PTK2: variants seen among roughly 807,000 people sequenced by gnomAD.
PTK2 encodes focal adhesion kinase 1.
PTK2 carries 45 observed loss-of-function variants against 150.1 expected under a neutral mutation model. That is an observed-to-expected ratio of 0.30 (90% CI 0.24 to 0.38). The LOEUF (loss-of-function observed/expected upper bound fraction) is 0.38. PTK2 is among the 10% of genes least tolerant of loss of function. The probability of loss-of-function intolerance (pLI) is 1.00; values close to 1 mark genes in which losing one functional copy is unlikely to be tolerated. For synonymous variants in PTK2, 432 were observed against 449.2 expected, an observed-to-expected ratio of 0.96 and a Z score of 0.48; for missense variants, 919 against 1,307.3, an observed-to-expected ratio of 0.70 and a Z score of 4.58.
At chr8:140,870,578 G>A (rs562202719) in intron 4 of PTK2, among the ~76,000 whole-genome samples, 1 of 152,100 alleles carries the variant, frequency 6.6e-6, no homozygotes, top group Non-Finnish European at 1.5e-5. Context: ...AAAGACAATG[G>A]ACACAGATGT....
intron 26 of PTK2, chr8:140,687,153 G>A (rs1270577357): frequency 6.2e-6 from 1 of 161,004 alleles, no homozygotes; most frequent in African/African-American, 2.4e-5. Flanking sequence ...ACCAAACAGA[G>A]AAATCTAGAT....
At chr8:140,945,160 ATT>A (rs1365741886) in intron 1 of PTK2, among the ~76,000 whole-genome samples, 7 of 152,232 alleles carry the variant, frequency 4.6e-5, no homozygotes, top group African/African-American at 1.7e-4. Flanking sequence ...AGATGCCAAG[ATT>A]ATTAAGTTTT....
At chr8:140,738,781 G>C (rs1334343321) in intron 21 of PTK2, among the ~76,000 whole-genome samples, 2 of 152,178 alleles carry the variant, frequency 1.3e-5, no homozygotes, top group South Asian at 4.1e-4. Context: ...AAAAGGAAGA[G>C]TGATGGAAGG....
chr8:140,847,480 T>C (rs1247785357), intron 5 of PTK2, among the ~76,000 whole-genome samples: 2 of 152,198 alleles, frequency 1.3e-5, no homozygotes, highest in Non-Finnish European at 2.9e-5. Context: ...AATTTCCTTG[T>C]AGATTAGCCT....
chr8:140,734,997 T>C, intron 22 of PTK2: 1 of 531,160 alleles, frequency 1.9e-6, no homozygotes. Flanking sequence ...TTGTAAGCCA[T>C]GCTAAGTCAG....
At chr8:140,908,731 C>T (rs752883983) in intron 2 of PTK2, among the ~76,000 whole-genome samples, 11 of 152,186 alleles carry the variant, frequency 7.2e-5, no homozygotes, top group Non-Finnish European at 1.5e-4. Flanking sequence ...TCAGAAGGGG[C>T]CAATTCTCCT....
chr8:140,659,598 C>T, exon 32 of PTK2: 1 of 1,614,126 alleles, frequency 6.2e-7, no homozygotes, highest in Non-Finnish European at 8.5e-7. Context: ...GGAGGCTGGT[C>T]ATGACATACT....
rs567481199 is a variant in PTK2, at chr8:140,733,395, G to A, written c.2030+1856C>T. On this transcript the variant is annotated intron_variant, in intron 22 of 31. Transcript: ENST00000522684. The stretch of plus-strand genomic sequence containing the variant: ...GCCATGTGAATGGGTCAGACATCCT[G>A]GGAAGAGTAATGAGAGAAAATGGGA... Among the ~76,000 whole-genome samples, 682 of 152,270 alleles carry A rather than the reference G, an allele frequency of 4.5e-3. 4 individuals carry two copies. The highest frequency in any genetic ancestry group is 0.016 in the African/African-American group (645 of 41,546).
chr8:140,921,235 G>A lies in PTK2; in HGVS notation c.-33+4426C>T, dbSNP rs562583562. ...TGTGTTCCTAGATTCATTCAGGGAA[G>A]GAGAAAGAGGGAGGGAAAAGAGGGA... On this transcript the variant is annotated intron_variant, in intron 2 of 31. Transcript: ENST00000522684. The A allele has an allele frequency of 7.8e-6, 5 of 639,590 alleles. No homozygotes were observed. The African/African-American group carries it at 9.5e-5, about 12-fold the overall frequency. The allele number at this position is 639,590 out of a possible 1,614,324, so 39.6% of individuals were successfully genotyped here.
intron 12 of PTK2, among the ~76,000 whole-genome samples, chr8:140,798,694 T>C (rs1039754548): frequency 6.6e-6 from 1 of 152,158 alleles, no homozygotes. Context: ...AAACTGAAGA[T>C]AAAAGATGAA....
chr8:140,680,937 G>A (rs1360582134), intron 27 of PTK2, among the ~76,000 whole-genome samples: 1 of 152,134 alleles, frequency 6.6e-6, no homozygotes, highest in Non-Finnish European at 1.5e-5. Flanking sequence ...ACCCTTATTA[G>A]GGTAAAACTT....
At chr8:140,869,750 A>C (rs2100141429) in intron 4 of PTK2, among the ~76,000 whole-genome samples, 1 of 152,110 alleles carries the variant, frequency 6.6e-6, no homozygotes. Flanking sequence ...GAAACACATA[A>C]ACAAAGAAAG....
intron 5 of PTK2, 25 bp from the exon 6 acceptor site, chr8:140,846,703 C>G: frequency 1.3e-6 from 2 of 1,553,056 alleles, no homozygotes; most frequent in Non-Finnish European, 1.8e-6. Context: ...ATGGGAAAAA[C>G]AACACTGTTT....
intron 7 of PTK2, among the ~76,000 whole-genome samples, chr8:140,839,062 A>G (rs1242471118): frequency 2.0e-5 from 3 of 152,114 alleles, no homozygotes; most frequent in African/African-American, 7.2e-5. Flanking sequence ...CTAATGTTGG[A>G]AACAGATTGA....
intron 29 of PTK2, 160 bp from the exon 34 acceptor site, chr8:140,668,584 T>A: frequency 1.3e-6 from 1 of 757,950 alleles, no homozygotes; most frequent in Non-Finnish European, 2.0e-6. Context: ...AGAATGACAG[T>A]AAAGTAATTC....
At chr8:140,686,511 T>A in intron 27 of PTK2, 121 bp downstream of exon 30, 1 of 833,476 alleles carries the variant, frequency 1.2e-6, no homozygotes, top group Non-Finnish European at 2.0e-6. Context: ...AATGTTAACT[T>A]TATAGAATAT....
At chr8:140,797,331 ATTAT>A (rs893926435) in intron 12 of PTK2, among the ~76,000 whole-genome samples, 4 of 152,170 alleles carry the variant, frequency 2.6e-5, no homozygotes, top group African/African-American at 7.2e-5. Flanking sequence ...AGAAATTTTA[ATTAT>A]TTATTATATG....
At chr8:140,693,393 A>G (rs1201878066) in intron 26 of PTK2, among the ~76,000 whole-genome samples, 1 of 151,838 alleles carries the variant, frequency 6.6e-6, no homozygotes, top group Non-Finnish European at 1.5e-5. Context: ...ATCTCTATAA[A>G]AAAAAGTAAC....
At chr8:140,725,025 T>C (rs1169774753) in intron 22 of PTK2, among the ~76,000 whole-genome samples, 1 of 152,280 alleles carries the variant, frequency 6.6e-6, no homozygotes, top group Non-Finnish European at 1.5e-5. Flanking sequence ...CATATTTCTC[T>C]CATTGCTTCT....
Sources: gnomAD v4.1 joint callset for allele counts (sites outside exome capture counted in the v4.1 genomes callset) on GRCh38, gnomAD v4.1.1 for gene constraint, MANE v1.5 for transcripts, NCBI Gene and HGNC (gene_info 2026-07-23, HGNC 2026-07-21) for gene names.